SLC26A7: variants seen among roughly 807,000 people sequenced by gnomAD.
SLC26A7 encodes anion exchange transporter.
SLC26A7 carries 59 observed loss-of-function variants against 82.5 expected under a neutral mutation model. That is an observed-to-expected ratio of 0.72 (90% confidence interval 0.58 to 0.89). The LOEUF (loss-of-function observed/expected upper bound fraction) is 0.89. Ranked by LOEUF, SLC26A7 falls within the 40% of genes least tolerant of loss-of-function variation. The pLI is 0.00. For missense variants in SLC26A7, 820 were observed against 793.0 expected (o/e 1.03, Z -0.41); for synonymous variants, 271 against 274.3 (o/e 0.99, Z 0.12).
chr8:91,339,947 C>T (rs906531065), intron 7 of SLC26A7, among the ~76,000 whole-genome samples: 5 of 152,110 alleles, frequency 3.3e-5, no homozygotes, highest in Non-Finnish European at 7.3e-5. Context: ...ATAACGAACT[C>T]AATGGCAAAT....
At chr8:91,266,358 A>T (rs985573566) in intron 2 of SLC26A7, among the ~76,000 whole-genome samples, 2 of 151,904 alleles carry the variant, frequency 1.3e-5, no homozygotes, top group Admixed American at 6.6e-5. Flanking sequence ...TAATTATTCC[A>T]ATTTATGAAC....
intron 15 of SLC26A7, among the ~76,000 whole-genome samples, chr8:91,379,933 G>A (rs775217339): frequency 2.6e-5 from 4 of 151,748 alleles, no homozygotes; most frequent in East Asian, 1.9e-4. Flanking sequence ...ACAAATCAAC[G>A]AGTAAAAAAA....
intron 2 of SLC26A7, among the ~76,000 whole-genome samples, chr8:91,271,655 C>T (rs1324942317): frequency 3.6e-5 from 5 of 137,870 alleles, no homozygotes; most frequent in East Asian, 4.3e-4. Flanking sequence ...AATGCAGTGG[C>T]GTGATCTTGG....
At chr8:91,342,669 T>C (rs915574581) in intron 8 of SLC26A7, among the ~76,000 whole-genome samples, 1 of 152,168 alleles carries the variant, frequency 6.6e-6, no homozygotes, top group East Asian at 1.9e-4. Flanking sequence ...ATTTAGGAAG[T>C]TGGAGATATC....
At chr8:91,334,629 T>C (rs558437616) in intron 6 of SLC26A7, among the ~76,000 whole-genome samples, 182 bp downstream of exon 6, 32 of 152,150 alleles carry the variant, frequency 2.1e-4, no homozygotes, top group Non-Finnish European at 1.0e-4. Context: ...GAGTTAATAA[T>C]TTAAAAAAGA....
intron 4 of SLC26A7, among the ~76,000 whole-genome samples, chr8:91,299,266 T>C (rs942140167): frequency 6.6e-6 from 1 of 152,168 alleles, no homozygotes; most frequent in Non-Finnish European, 1.5e-5. Context: ...AGTTGTACTT[T>C]GACTTTATTT....
At chr8:91,359,365 C>T (rs934271880) in intron 11 of SLC26A7, among the ~76,000 whole-genome samples, 10 of 152,250 alleles carry the variant, frequency 6.6e-5, no homozygotes, top group African/African-American at 1.9e-4. Flanking sequence ...ATTAGTGTTA[C>T]AACTGAAGGA....
intron 2 of SLC26A7, among the ~76,000 whole-genome samples, chr8:91,243,603 T>C (rs997449783): frequency 3.9e-5 from 6 of 152,066 alleles, no homozygotes; most frequent in Admixed American, 3.3e-4. Context: ...ATGCAGAATA[T>C]TCAACTAAGT....
At chr8:91,235,129 G>T (rs1810376485) in intron 2 of SLC26A7, among the ~76,000 whole-genome samples, 1 of 151,948 alleles carries the variant, frequency 6.6e-6, no homozygotes, top group Non-Finnish European at 1.5e-5. Context: ...TTGACATGTT[G>T]CCCAGGTTGG....
chr8:91,264,845 G>T (rs1021208878), intron 2 of SLC26A7, among the ~76,000 whole-genome samples: 1 of 151,942 alleles, frequency 6.6e-6, no homozygotes, highest in Non-Finnish European at 1.5e-5. Context: ...ATCAAATCAA[G>T]GTAGTTATCA....
intron 4 of SLC26A7, among the ~76,000 whole-genome samples, chr8:91,304,910 G>A (rs543189437): frequency 6.6e-6 from 1 of 152,294 alleles, no homozygotes; most frequent in East Asian, 1.9e-4. Context: ...TGACTCCTCT[G>A]TGTCTTTCAA....
Position 91,222,342 on chromosome 8 carries a change from AT to A in SLC26A7, c.-34+3340del, listed in dbSNP as rs531637267. 3.5e-3 allele frequency among the ~76,000 whole-genome samples: 530 copies of A among 152,236 alleles called. 1 individual carries two copies. The highest frequency in any genetic ancestry group is 0.012 in the African/African-American group (500 of 41,532). On this transcript the variant is annotated intron_variant, in intron 2 of 5. Coordinates refer to the SLC26A7 transcript ENST00000522862. The stretch of plus-strand genomic sequence containing the variant: ...AAACAACTTGACTTCCTCTCTTCCT[AT>A]TTGAATACCCTTTATTTTTTTCTCT...
chr8:91,294,817 G>A (rs1217803681), intron 3 of SLC26A7, among the ~76,000 whole-genome samples: 5 of 152,100 alleles, frequency 3.3e-5, no homozygotes, highest in Admixed American at 3.3e-4. Context: ...ATAACACCAA[G>A]CCTTATCTAA....
At chr8:91,353,057 G>A (rs1219068699) in intron 11 of SLC26A7, 61 bp downstream of exon 11, 14 of 1,072,598 alleles carry the variant, frequency 1.3e-5, no homozygotes, top group Admixed American at 2.3e-5. Flanking sequence ...TACCAAATAT[G>A]CACTAATACT....
At chr8:91,242,398 T>C (rs1296425063) in intron 2 of SLC26A7, among the ~76,000 whole-genome samples, 1 of 151,776 alleles carries the variant, frequency 6.6e-6, no homozygotes, top group Admixed American at 6.6e-5. Flanking sequence ...TTATTTTTCA[T>C]GAATGATTTT....
chr8:91,353,335 T>C (rs1008771259), intron 11 of SLC26A7, among the ~76,000 whole-genome samples: 2 of 152,142 alleles, frequency 1.3e-5, no homozygotes, highest in African/African-American at 4.8e-5. Flanking sequence ...AATAGAAATA[T>C]GGCAATTTAT....
intron 7 of SLC26A7, among the ~76,000 whole-genome samples, chr8:91,339,143 TTTG>T (rs1813328298): frequency 6.6e-6 from 1 of 152,184 alleles, no homozygotes; most frequent in African/African-American, 2.4e-5. Flanking sequence ...TTTATGCCAA[TTTG>T]TTGTTATTAG....
chr8:91,316,369 G>A lies in SLC26A7; in HGVS notation c.478-1847G>A, dbSNP rs113454833. Among the ~76,000 whole-genome samples, 202 of 148,626 alleles carry A rather than the reference G, an allele frequency of 1.4e-3. 2 individuals are homozygous for A. Among genetic ancestry groups the A allele is most frequent in the African/African-American group, 5.0e-3 (199 of 40,142 alleles). ...GTGACCACAGCTTACTGCAACCTCT[G>A]CCTCCTGGGCTCAGGCCATCCTTCC... On this transcript the variant is annotated intron_variant, in intron 4 of 18. Coordinates refer to ENST00000276609, the MANE Select transcript of SLC26A7 (RefSeq NM_052832.4).
intron 3 of SLC26A7, among the ~76,000 whole-genome samples, chr8:91,290,764 T>C (rs1013141389): frequency 1.1e-4 from 16 of 152,354 alleles, no homozygotes; most frequent in African/African-American, 3.8e-4. Flanking sequence ...GAGGTCATAA[T>C]TCTGCCTACT....
Sources: allele counts gnomAD v4.1 joint callset (sites outside exome capture counted in the v4.1 genomes callset), GRCh38; gene constraint gnomAD v4.1.1; transcripts MANE v1.5; gene names NCBI Gene and HGNC (gene_info 2026-07-23, HGNC 2026-07-21).